ARHGAP28: variants seen among roughly 807,000 people sequenced by gnomAD.
ARHGAP28 encodes rho GTPase-activating protein 28.
Under a neutral mutation model 90.7 loss-of-function variants are expected in ARHGAP28, and 56 were observed. That is an observed-to-expected ratio of 0.62 (90% CI 0.50 to 0.77). ARHGAP28 has a LOEUF of 0.77. Ranked by LOEUF, ARHGAP28 falls within the 30% of genes least tolerant of loss-of-function variation. ARHGAP28 has a pLI of 0.00. For synonymous variants in ARHGAP28, 308 were observed against 323.3 expected (o/e 0.95, Z 0.51); for missense variants, 869 against 900.9 (o/e 0.96, Z 0.45).
At chr18:6,733,212 C>T (rs1458812050) in intron 1 of ARHGAP28, among the ~76,000 whole-genome samples, 3 of 152,034 alleles carry the variant, frequency 2.0e-5, no homozygotes, top group Non-Finnish European at 4.4e-5. Context: ...GTAAGGAATC[C>T]TCAGATTTAA....
intron 3 of ARHGAP28, among the ~76,000 whole-genome samples, chr18:6,837,846 T>A (rs77813643): frequency 0.019 from 2,947 of 152,250 alleles, 104 homozygotes; most frequent in African/African-American, 0.067. Context: ...TATGTTCAGA[T>A]AAATTAAAAT....
Position 6,914,353 on chromosome 18 carries a change from T to C in ARHGAP28, c.*2199T>C, listed in dbSNP as rs1221057440. 3 of 152,192 alleles carry C rather than the reference T, an allele frequency of 2.0e-5. No individual in the cohort carries two copies. The highest frequency in any genetic ancestry group is 7.2e-5 in the African/African-American group (3 of 41,442). 9.4% of individuals were successfully genotyped at this position (152,192 alleles called of 1,614,324 possible). A position where few individuals can be genotyped will look rare whatever the true frequency, so the allele number is the denominator to read the frequency against. On this transcript the variant is annotated 3_prime_UTR_variant, in exon 18 of 18. Coordinates refer to ENST00000383472, the MANE Select transcript of ARHGAP28 (RefSeq NM_001366230.1). ...TTTATTCAAGGATGTGTGGCAACTT[T>C]CAACTTCCATACGTATATATGTATG... is the stretch of plus-strand genomic sequence containing the variant.
At chr18:6,858,804 C>T (rs868795606) in intron 4 of ARHGAP28, among the ~76,000 whole-genome samples, 2 of 151,622 alleles carry the variant, frequency 1.3e-5, no homozygotes, top group African/African-American at 2.4e-5. Flanking sequence ...GGATTACAGG[C>T]GTGAGCCACC....
intron 1 of ARHGAP28, among the ~76,000 whole-genome samples, chr18:6,754,242 A>G (rs2056091908): frequency 6.6e-6 from 1 of 152,132 alleles, no homozygotes; most frequent in South Asian, 2.1e-4. Flanking sequence ...GTTTCTTCCA[A>G]ACGGTACCAC....
intron 1 of ARHGAP28, among the ~76,000 whole-genome samples, chr18:6,757,609 T>C (rs982373035): frequency 1.3e-5 from 2 of 152,210 alleles, no homozygotes; most frequent in African/African-American, 4.8e-5. Context: ...CCTATCCTAT[T>C]GAATTAAGAA....
At chr18:6,909,233 A>G (rs1195094510) in intron 17 of ARHGAP28, among the ~76,000 whole-genome samples, 2 of 144,190 alleles carry the variant, frequency 1.4e-5, no homozygotes, top group African/African-American at 5.1e-5. Context: ...TAATGTTGAT[A>G]TGGAGTAGGC....
chr18:6,835,861 T>C (rs1317061429), intron 2 of ARHGAP28, among the ~76,000 whole-genome samples: 1 of 152,208 alleles, frequency 6.6e-6, no homozygotes, highest in African/African-American at 2.4e-5. Flanking sequence ...ATACATTGAT[T>C]TAAAAAAAAA....
In ARHGAP28 at chr18:6,736,341, G is replaced by A. The variant is rs184182749; in HGVS notation, c.122+6398G>A. 7.3e-5 allele frequency among the ~76,000 whole-genome samples: 11 copies of A among 150,684 alleles called. No individual in the cohort carries two copies. The East Asian group carries it at 2.2e-3, about 29-fold the overall frequency. On this transcript the variant is annotated intron_variant, in intron 1 of 17. Coordinates refer to ENST00000383472, the MANE Select transcript of ARHGAP28 (RefSeq NM_001366230.1). ...AGTTTTGACACAAAGTATAAAAAATGTTTTAATTTTACCTGGTCTGACTTT... is the reference window on the plus strand; with the variant it reads ...AGTTTTGACACAAAGTATAAAAAATATTTTAATTTTACCTGGTCTGACTTT...
chr18:6,822,176 CACTTAT>C (rs2056631358), intron 1 of ARHGAP28, among the ~76,000 whole-genome samples: 1 of 152,100 alleles, frequency 6.6e-6, no homozygotes, highest in African/African-American at 2.4e-5. Flanking sequence ...TAGACGTAAA[CACTTAT>C]ACTGCATTAT....
At chr18:6,894,807 T>C in intron 14 of ARHGAP28, 28 bp from the exon 15 acceptor site, 4 of 1,608,010 alleles carry the variant, frequency 2.5e-6, no homozygotes, top group Admixed American at 1.7e-5. Context: ...TTTCTCAACA[T>C]TACTCCTAAA....
intron 16 of ARHGAP28, among the ~76,000 whole-genome samples, chr18:6,903,372 A>G (rs1049268875): frequency 1.2e-4 from 19 of 152,222 alleles, no homozygotes; most frequent in African/African-American, 4.6e-4. Context: ...TAATGTTTTA[A>G]GTGTGAGGAT....
chr18:6,861,315 C>A (rs1488727016), intron 5 of ARHGAP28, among the ~76,000 whole-genome samples: 1 of 152,214 alleles, frequency 6.6e-6, no homozygotes, highest in Non-Finnish European at 1.5e-5. Context: ...TGCTCCCCTC[C>A]TGTCTTACAG....
intron 1 of ARHGAP28, among the ~76,000 whole-genome samples, chr18:6,746,455 G>A (rs1452997191): frequency 1.3e-5 from 2 of 152,184 alleles, no homozygotes; most frequent in Non-Finnish European, 2.9e-5. Flanking sequence ...CCTGGATTTG[G>A]CCTGTGGGCC....
intron 7 of ARHGAP28, among the ~76,000 whole-genome samples, chr18:6,871,182 G>A (rs182307865): frequency 2.2e-4 from 33 of 152,332 alleles, no homozygotes; most frequent in African/African-American, 7.7e-4. Flanking sequence ...ACCATTGGGG[G>A]TGTTATGTGG....
intron 14 of ARHGAP28, among the ~76,000 whole-genome samples, chr18:6,893,667 T>C (rs2057282692): frequency 6.6e-6 from 1 of 152,090 alleles, no homozygotes; most frequent in African/African-American, 2.4e-5. Flanking sequence ...GATCTATCTG[T>C]TTCATAGAGC....
At chr18:6,790,414 A>C (rs2056398518) in intron 1 of ARHGAP28, 2 of 152,184 alleles carry the variant, frequency 1.3e-5, no homozygotes, top group Admixed American at 6.5e-5. Flanking sequence ...AAAAATGATG[A>C]ATTAGTCCAA....
chr18:6,845,890 G>A (rs1277851759), intron 3 of ARHGAP28, among the ~76,000 whole-genome samples: 1 of 152,206 alleles, frequency 6.6e-6, no homozygotes, highest in Non-Finnish European at 1.5e-5. Flanking sequence ...AGCACAGGAA[G>A]TGAACACATT....
Position 6,887,249 on chromosome 18 carries a change from G to A in ARHGAP28, c.1536+10G>A. ...CAGAGATGCAGCTCAGGTACGTCGT[G>A]TCCACCTCACAGCTTGTCCTGGGGC... On this transcript the variant is annotated intron_variant, in intron 12 of 17. Transcript: ENST00000383472. 6.2e-7 allele frequency: 1 copy of A among 1,613,206 alleles called. No individual in the cohort carries two copies. Among genetic ancestry groups the A allele is most frequent in the Non-Finnish European group, 8.5e-7 (1 of 1,179,402 alleles).
intron 3 of ARHGAP28, among the ~76,000 whole-genome samples, chr18:6,841,207 TCC>T (rs2056821637): frequency 1.0e-4 from 4 of 38,678 alleles, no homozygotes; most frequent in African/African-American, 2.1e-4. Context: ...CTCTCTCCTC[TCC>T]TCTCTCTCTC....
Sources: allele counts gnomAD v4.1 joint callset (sites outside exome capture counted in the v4.1 genomes callset), GRCh38; gene constraint gnomAD v4.1.1; transcripts MANE v1.5; gene names NCBI Gene and HGNC (gene_info 2026-07-23, HGNC 2026-07-21).